Variants in GLOD4 observed in about 807,000 individuals in gnomAD.
The protein encoded by GLOD4 is glyoxalase domain containing 4, also known as glyoxalase domain-containing protein 4.
In GLOD4, 44 loss-of-function variants were observed where a neutral mutation model predicts 39.1. That is an observed-to-expected ratio of 1.13 (90% CI 0.88 to 1.45). GLOD4 has a LOEUF of 1.45. GLOD4 is among the 40% of genes most tolerant of loss of function. The pLI is 0.00. For synonymous variants in GLOD4, 145 were observed against 135.0 expected (o/e 1.07, Z -0.52); for missense variants, 405 against 366.4 (o/e 1.11, Z -0.86).
chr17:767,779 T>A (rs1427851107), intron 8 of GLOD4, among the ~76,000 whole-genome samples: 2 of 132,606 alleles, frequency 1.5e-5, no homozygotes, highest in African/African-American at 5.9e-5. Context: ...GGAGAGGATG[T>A]GAGAGAGAGA....
rs1320969614 is a variant in GLOD4, at chr17:776,961, T to C, written c.168A>G (p.Thr56=). The stretch of plus-strand genomic sequence containing the variant: ...CATCCTCAGGCCCAAATCCCACCAT[T>C]GTTTTACTCCATTTCCCATCATAAG... The part of the protein sequence containing the change: ...NGPYDGKWSK[T]MVGFGPEDDH... Residue 56 remains threonine (T), a synonymous_variant, in exon 3 of 9, where the codon ACA becomes ACG. Transcript: ENST00000301329. 2 of 1,606,558 alleles carry C rather than the reference T, an allele frequency of 1.2e-6. No individual in the cohort carries two copies. The highest frequency in any genetic ancestry group is 1.3e-5 in the African/African-American group (1 of 74,730).
In GLOD4 at chr17:770,108, G is replaced by A. The variant is rs1253517472; in HGVS notation, c.680C>T (p.Thr227Ile). 1.2e-6 allele frequency: 2 copies of A among 1,612,876 alleles called. No individual in the cohort carries two copies. Among genetic ancestry groups the A allele is most frequent in the Non-Finnish European group, 1.7e-6 (2 of 1,178,926 alleles). Residue 227 changes from threonine to isoleucine, a missense_variant, in exon 7 of 9, where the codon ACT becomes ATT. By Grantham distance (89) the Thr-to-Ile change is moderately conservative (BLOSUM62 -1). Transcript: ENST00000301329. ...TGGGGTGTCCAGGCTCACCAGGGGA[G>A]TCAGAATCTTCTGGTTCTCCCTTTT... ...LMKRENQKIL[T>I]PLVSLDTPGK...
chr17:775,678 G>C, intron 4 of GLOD4, 97 bp downstream of exon 4: 1 of 980,922 alleles, frequency 1.0e-6, no homozygotes, highest in African/African-American at 1.6e-5. Context: ...CACGTCACGT[G>C]AACACAGACT....
At chr17:781,266 A>G (rs973153149) in intron 1 of GLOD4, among the ~76,000 whole-genome samples, 3 of 152,192 alleles carry the variant, frequency 2.0e-5, no homozygotes, top group Non-Finnish European at 4.4e-5. Flanking sequence ...GGAAATACTA[A>G]CAAGGGACAG....
At chr17:783,037 A>G (rs1910247019), upstream of GLOD4, 1 of 1,558,934 alleles carries the variant, frequency 6.4e-7, no homozygotes, top group Non-Finnish European at 8.6e-7. Context: ...CTCAGTAACA[A>G]GGATGTTGAT....
chr17:761,155 GAC>G (rs971620189), intron 8 of GLOD4, among the ~76,000 whole-genome samples: 1 of 152,206 alleles, frequency 6.6e-6, no homozygotes, highest in Non-Finnish European at 1.5e-5. Context: ...TATTTTGCAT[GAC>G]AGAGTGTGTG....
intron 8 of GLOD4, among the ~76,000 whole-genome samples, chr17:766,427 C>G (rs1287871143): frequency 6.6e-6 from 1 of 151,984 alleles, no homozygotes; most frequent in East Asian, 1.9e-4. Context: ...GAAGCCCCGT[C>G]TCTACTAAAA....
chr17:781,150 A>T (rs1042412549), intron 1 of GLOD4, among the ~76,000 whole-genome samples: 1 of 151,838 alleles, frequency 6.6e-6, no homozygotes, highest in Non-Finnish European at 1.5e-5. Flanking sequence ...CCAACTCCTG[A>T]CCTCCAGTGA....
At chr17:773,863 G>C (rs376597525) in intron 4 of GLOD4, among the ~76,000 whole-genome samples, 1 of 152,170 alleles carries the variant, frequency 6.6e-6, no homozygotes, top group Non-Finnish European at 1.5e-5. Context: ...GGAAGTTAAC[G>C]CGTGGGTGAA....
At chr17:772,952 G>A (rs956365717) in intron 4 of GLOD4, among the ~76,000 whole-genome samples, 8 of 150,748 alleles carry the variant, frequency 5.3e-5, no homozygotes, top group South Asian at 2.1e-4. Context: ...CCCAGAGCGC[G>A]CCACTGCACT....
chr17:771,437 G>A lies in GLOD4; in HGVS notation c.431C>T (p.Ala144Val), dbSNP rs1567792340. 4 of 1,568,680 alleles carry A rather than the reference G, an allele frequency of 2.5e-6. No homozygotes were observed. The highest frequency in any genetic ancestry group is 3.5e-6 in the Non-Finnish European group (4 of 1,145,658). ...QSDPVLKVTLAVSDLQKSLNY... is the reference protein window; with the variant it reads ...QSDPVLKVTLVVSDLQKSLNY... ...CAAGGACTTTTGAAGATCAGACACT[G>A]CTAGAGTTACTTTTAATACAGGATC... is the stretch of plus-strand genomic sequence containing the variant. The change falls in exon 5 of 9, where the codon GCA (alanine) becomes GTA (valine). Residue 144 changes from alanine (A) to valine (V), a missense_variant. Ala to Val is a moderately conservative substitution (Grantham distance 64). Transcript: ENST00000301329.
intron 8 of GLOD4, among the ~76,000 whole-genome samples, chr17:761,738 A>T (rs1905473704): frequency 6.6e-6 from 1 of 152,236 alleles, no homozygotes. Flanking sequence ...TCCTGACCTC[A>T]GGTGAGCCAC....
intron 8 of GLOD4, among the ~76,000 whole-genome samples, chr17:760,742 C>A (rs1905282436): frequency 6.6e-6 from 1 of 152,180 alleles, no homozygotes; most frequent in Non-Finnish European, 1.5e-5. Context: ...TAAGTCTCCT[C>A]CCGGCCTACT....
chr17:774,426 C>T (rs1485706007), intron 4 of GLOD4, among the ~76,000 whole-genome samples: 5 of 152,210 alleles, frequency 3.3e-5, no homozygotes, highest in South Asian at 2.1e-4. Flanking sequence ...GCATTTTCCC[C>T]GTTTTTGCTT....
At chr17:785,261 A>T (rs539223854), upstream of GLOD4, among the ~76,000 whole-genome samples, 1 of 152,334 alleles carries the variant, frequency 6.6e-6, no homozygotes, top group South Asian at 2.1e-4. Flanking sequence ...ACCCATGTGA[A>T]TAACTTCATC....
upstream of GLOD4, chr17:783,400 G>C (rs1311228857): frequency 1.0e-5 from 15 of 1,438,128 alleles, no homozygotes; most frequent in South Asian, 1.4e-5. Context: ...GCAATGGCGC[G>C]ATCTCGGCCC....
At chr17:773,181 T>A (rs1908294236) in intron 4 of GLOD4, among the ~76,000 whole-genome samples, 1 of 152,186 alleles carries the variant, frequency 6.6e-6, no homozygotes, top group Non-Finnish European at 1.5e-5. Flanking sequence ...GGCAATAGTT[T>A]GATGGAATGT....
upstream of GLOD4, chr17:782,319 C>G (rs747569940): frequency 1.1e-3 from 1,719 of 1,611,440 alleles, 3 homozygotes; most frequent in South Asian, 2.7e-3. Flanking sequence ...GCGCCACGGG[C>G]CGTGACGTCA....
At chr17:768,615 G>C (rs1171990917) in intron 8 of GLOD4, among the ~76,000 whole-genome samples, 4 of 128,938 alleles carry the variant, frequency 3.1e-5, no homozygotes, top group African/African-American at 8.7e-5. Context: ...ACGTGAGAGA[G>C]AGAAACAGCG....
Sources: gnomAD v4.1 joint callset for allele counts (sites outside exome capture counted in the v4.1 genomes callset) on GRCh38, gnomAD v4.1.1 for gene constraint, MANE v1.5 for transcripts, NCBI Gene and HGNC (gene_info 2026-07-23, HGNC 2026-07-21) for gene names.